DAB1: variants seen among roughly 807,000 people sequenced by gnomAD.
DAB1 encodes disabled homolog 1.
Under a neutral mutation model 64.6 loss-of-function variants are expected in DAB1, and 15 were observed. The ratio of observed to expected loss-of-function variants is 0.23; its 90% CI spans 0.16 to 0.36. The LOEUF (loss-of-function observed/expected upper bound fraction) is 0.36, where lower values mean the gene tolerates loss of function less well. DAB1 is among the 10% of genes least tolerant of loss of function. The probability of loss-of-function intolerance (pLI) is 1.00; values close to 1 mark genes in which losing one functional copy is unlikely to be tolerated. For synonymous variants in DAB1, 235 were observed against 251.9 expected, an observed-to-expected ratio of 0.93 and a Z score of 0.64; for missense variants, 596 against 706.7, an observed-to-expected ratio of 0.84 and a Z score of 1.78.
At chr1:57,539,185 C>T (rs889141077) in intron 7 of DAB1, among the ~76,000 whole-genome samples, 1 of 152,202 alleles carries the variant, frequency 6.6e-6, no homozygotes, top group Non-Finnish European at 1.5e-5. Flanking sequence ...GACCAGAATG[C>T]TGATTGTCTT....
intron 3 of DAB1, among the ~76,000 whole-genome samples, chr1:58,481,741 T>C (rs1645487235): frequency 3.3e-5 from 5 of 152,134 alleles, no homozygotes. Flanking sequence ...GTGTTTCCCG[T>C]GCTGTTCTCA....
chr1:57,765,662 A>G (rs934342897), intron 6 of DAB1, among the ~76,000 whole-genome samples: 2 of 151,944 alleles, frequency 1.3e-5, no homozygotes, highest in Admixed American at 6.6e-5. Context: ...TCAGTTCTCA[A>G]TCCTTACTTG....
At chr1:58,499,376 T>A (rs191292880) in intron 3 of DAB1, among the ~76,000 whole-genome samples, 1 of 147,202 alleles carries the variant, frequency 6.8e-6, no homozygotes, top group Admixed American at 6.8e-5. Context: ...TCCTAGCTAC[T>A]CTGGAGGCTG....
intron 14 of DAB1, among the ~76,000 whole-genome samples, chr1:57,009,702 A>G (rs116236746): frequency 0.032 from 4,835 of 152,294 alleles, 79 homozygotes; most frequent in South Asian, 0.039. Context: ...CTAAGAAGGT[A>G]TCTGAAAATT....
intron 7 of DAB1, among the ~76,000 whole-genome samples, chr1:57,549,162 C>A (rs1036107445): frequency 2.6e-5 from 4 of 152,100 alleles, no homozygotes; most frequent in Non-Finnish European, 4.4e-5. Context: ...GATTGAGTTT[C>A]TACATCACTT....
At chr1:58,527,400 G>A in intron 1 of DAB1, 1 of 806,210 alleles carries the variant, frequency 1.2e-6, no homozygotes, top group Non-Finnish European at 2.2e-6. Context: ...GAGTAACACA[G>A]AGAGATTTTT....
chr1:57,606,595 TATATTATATATATGAAATATATA>T (rs1221475838), intron 7 of DAB1, among the ~76,000 whole-genome samples: 1 of 100,000 alleles, frequency 1.0e-5, no homozygotes, highest in African/African-American at 4.2e-5. Context: ...TAATATATTA[TATATTATATATATGAAATATATA>T]ATATATGAAA....
At chr1:57,649,058 G>A (rs1646226566) in intron 7 of DAB1, among the ~76,000 whole-genome samples, 1 of 152,208 alleles carries the variant, frequency 6.6e-6, no homozygotes, top group Admixed American at 6.5e-5. Context: ...TCATTTAAAA[G>A]TTTAGGACGT....
At chr1:58,166,346 C>T (rs988589506) in intron 4 of DAB1, among the ~76,000 whole-genome samples, 2 of 152,136 alleles carry the variant, frequency 1.3e-5, no homozygotes, top group African/African-American at 4.8e-5. Context: ...CTCCAGGCAA[C>T]CACTAATCTA....
intron 2 of DAB1, among the ~76,000 whole-genome samples, chr1:57,157,255 T>C (rs779289026): frequency 6.6e-6 from 1 of 152,204 alleles, no homozygotes; most frequent in Middle Eastern, 3.2e-3. Context: ...TTTTAACTTT[T>C]GACAGTTACA....
chr1:58,477,838 G>T (rs536840758), intron 3 of DAB1, among the ~76,000 whole-genome samples: 1 of 152,126 alleles, frequency 6.6e-6, no homozygotes, highest in African/African-American at 2.4e-5. Context: ...TTCTTGGTTG[G>T]GTTTGTGTTG....
At chr1:57,895,318 T>C (rs939135235) in intron 5 of DAB1, among the ~76,000 whole-genome samples, 1 of 152,154 alleles carries the variant, frequency 6.6e-6, no homozygotes, top group African/African-American at 2.4e-5. Context: ...ATGTGATAGA[T>C]GAAGAAGCTG....
chr1:57,295,510 A>G (rs1002163184), intron 1 of DAB1, among the ~76,000 whole-genome samples: 5 of 152,192 alleles, frequency 3.3e-5, no homozygotes, highest in Admixed American at 6.5e-5. Flanking sequence ...CCAAAGGTTT[A>G]TAACAGTACA....
chr1:58,443,745 G>T (rs1465323569), intron 3 of DAB1, among the ~76,000 whole-genome samples: 1 of 152,162 alleles, frequency 6.6e-6, no homozygotes, highest in African/African-American at 2.4e-5. Context: ...AGTGTATGTT[G>T]TATGTAATAC....
chr1:57,052,192 C>G (rs1203772108), intron 9 of DAB1, among the ~76,000 whole-genome samples: 1 of 152,128 alleles, frequency 6.6e-6, no homozygotes, highest in Non-Finnish European at 1.5e-5. Flanking sequence ...CAGCATACAG[C>G]AGATGCTCAA....
At chr1:57,927,903 T>C (rs1273917015) in intron 5 of DAB1, among the ~76,000 whole-genome samples, 1 of 152,248 alleles carries the variant, frequency 6.6e-6, no homozygotes, top group Non-Finnish European at 1.5e-5. Context: ...TTACAATTTG[T>C]ATTTTATCAT....
intron 2 of DAB1, among the ~76,000 whole-genome samples, chr1:57,154,590 T>A (rs1171231176): frequency 6.6e-6 from 1 of 152,214 alleles, no homozygotes; most frequent in Non-Finnish European, 1.5e-5. Context: ...ATATTGTAGC[T>A]CTATTTCTAG....
intron 6 of DAB1, among the ~76,000 whole-genome samples, chr1:57,792,259 T>A (rs926176253): frequency 6.6e-6 from 1 of 152,230 alleles, no homozygotes; most frequent in African/African-American, 2.4e-5. Context: ...ATGTGCAGGT[T>A]CCTATTATCT....
exon 2 of DAB1, chr1:57,826,434 G>A (rs145513291): frequency 1.3e-5 from 2 of 152,350 alleles, no homozygotes; most frequent in East Asian, 3.9e-4. Flanking sequence ...CTTCTTGGTG[G>A]AGGTAATACC....
Sources: allele counts gnomAD v4.1 joint callset (sites outside exome capture counted in the v4.1 genomes callset), GRCh38; gene constraint gnomAD v4.1.1; transcripts MANE v1.5; gene names NCBI Gene and HGNC (gene_info 2026-07-23, HGNC 2026-07-21).